The following EYS variants were observed in gnomAD, a reference collection of about 807,000 sequenced individuals.
EYS encodes the protein EGF-like photoreceptor maintenance factor, also known as protein eyes shut homolog.
A neutral mutation model predicts 282.1 loss-of-function variants in EYS; 250 were observed. The ratio of observed to expected loss-of-function variants is 0.89; its 90% CI spans 0.80 to 0.98. The LOEUF (loss-of-function observed/expected upper bound fraction) is 0.98. Among genes scored for constraint, EYS ranks in the 50% least tolerant of loss-of-function variants. The probability of loss-of-function intolerance (pLI) is 0.00; values close to 1 mark genes in which losing one functional copy is unlikely to be tolerated. For synonymous variants in EYS, 1,355 were observed against 1,282.9 expected, an observed-to-expected ratio of 1.06 and a Z score of -1.20; for missense variants, 4,016 against 3,709.0, an observed-to-expected ratio of 1.08 and a Z score of -2.15.
At chr6:65,316,097 T>C (rs556366601) in intron 11 of EYS, among the ~76,000 whole-genome samples, 1 of 152,350 alleles carries the variant, frequency 6.6e-6, no homozygotes, top group Non-Finnish European at 1.5e-5. Context: ...TTTATCTAGT[T>C]ATAGTTAATT....
intron 15 of EYS, among the ~76,000 whole-genome samples, chr6:64,927,159 A>G (rs1443396378): frequency 6.6e-6 from 1 of 152,204 alleles, no homozygotes; most frequent in Non-Finnish European, 1.5e-5. Flanking sequence ...TGTGGAAAAA[A>G]AAGGATTATT....
At chr6:65,228,561 A>T (rs561260537) in intron 12 of EYS, among the ~76,000 whole-genome samples, 1 of 152,040 alleles carries the variant, frequency 6.6e-6, no homozygotes, top group East Asian at 1.9e-4. Flanking sequence ...GCTTTTAATC[A>T]TGGTGAAAAC....
At chr6:64,684,691 A>G (rs1250454560) in intron 22 of EYS, among the ~76,000 whole-genome samples, 1 of 152,040 alleles carries the variant, frequency 6.6e-6, no homozygotes, top group African/African-American at 2.4e-5. Context: ...TAGTATGACA[A>G]GTTTTTGACA....
At chr6:64,170,443 G>A (rs1764445217) in intron 31 of EYS, among the ~76,000 whole-genome samples, 1 of 151,904 alleles carries the variant, frequency 6.6e-6, no homozygotes, top group African/African-American at 2.4e-5. Flanking sequence ...GCATCAGCAA[G>A]GCCATACCCC....
intron 5 of EYS, among the ~76,000 whole-genome samples, chr6:65,412,130 C>T (rs573296397): frequency 6.6e-6 from 1 of 152,172 alleles, no homozygotes; most frequent in Non-Finnish European, 1.5e-5. Context: ...GAGGATACAA[C>T]AAAAAGACAG....
chr6:63,805,104 A>C (rs1770871235), intron 37 of EYS, among the ~76,000 whole-genome samples: 1 of 152,160 alleles, frequency 6.6e-6, no homozygotes, highest in African/African-American at 2.4e-5. Flanking sequence ...TATGTTATTT[A>C]CCCTAGCACC....
At chr6:63,764,589 A>G (rs927846896) in intron 40 of EYS, among the ~76,000 whole-genome samples, 4 of 152,032 alleles carry the variant, frequency 2.6e-5, no homozygotes, top group Non-Finnish European at 5.9e-5. Flanking sequence ...ACTGCCTTAT[A>G]GACAGAGCTC....
At chr6:64,450,184 A>C (rs1746510815) in intron 26 of EYS, among the ~76,000 whole-genome samples, 1 of 151,800 alleles carries the variant, frequency 6.6e-6, no homozygotes. Flanking sequence ...AACAGAAGAC[A>C]AAAAAAAGGC....
chr6:63,997,192 C>T (rs1767874237), intron 34 of EYS, among the ~76,000 whole-genome samples: 2 of 152,164 alleles, frequency 1.3e-5, no homozygotes, highest in African/African-American at 2.4e-5. Flanking sequence ...CATCCTCCTA[C>T]TGTAATAATA....
chr6:64,785,932 C>T (rs1183381540), intron 22 of EYS, among the ~76,000 whole-genome samples: 3 of 152,158 alleles, frequency 2.0e-5, no homozygotes, highest in Non-Finnish European at 4.4e-5. Flanking sequence ...TAAATGTCCT[C>T]CTATGTGCCA....
intron 2 of EYS, among the ~76,000 whole-genome samples, chr6:65,555,631 G>A (rs1038765691): frequency 2.0e-5 from 3 of 151,974 alleles, no homozygotes; most frequent in South Asian, 2.1e-4. Flanking sequence ...ATATTTTTTA[G>A]TCTTAAAACA....
In EYS at chr6:65,442,910, G is replaced by C. The variant is rs72874709; in HGVS notation, c.863-37543C>G. On this transcript the variant is annotated intron_variant, in intron 5 of 42. Transcript: ENST00000503581. Reference sequence around the variant, plus strand: ...TATGTACATATATGTATATATACATGCACATACATATGTACATATATGTAT... The same window carrying C: ...TATGTACATATATGTATATATACATCCACATACATATGTACATATATGTAT... Among the ~76,000 whole-genome samples, 4 of 86,690 alleles carry C rather than the reference G, an allele frequency of 4.6e-5. 1 individual carries two copies. Among genetic ancestry groups the C allele is most frequent in the Non-Finnish European group, 1.3e-4 (4 of 31,444 alleles). The allele number at this position is 86,690 out of a possible 152,430, so 56.9% of individuals were successfully genotyped here.
chr6:63,768,440 G>A (rs1374932335), intron 40 of EYS, among the ~76,000 whole-genome samples: 1 of 151,932 alleles, frequency 6.6e-6, no homozygotes, highest in Non-Finnish European at 1.5e-5. Context: ...CTTCTCAAAA[G>A]AAGACATACA....
intron 30 of EYS, among the ~76,000 whole-genome samples, chr6:64,292,361 T>C (rs1417386068): frequency 6.6e-6 from 1 of 152,148 alleles, no homozygotes; most frequent in Non-Finnish European, 1.5e-5. Context: ...ATATTAGTCC[T>C]GGGGCATGGT....
chr6:65,141,905 G>A (rs1764355154), intron 12 of EYS, among the ~76,000 whole-genome samples: 2 of 151,996 alleles, frequency 1.3e-5, no homozygotes, highest in South Asian at 4.1e-4. Flanking sequence ...GTTATAAGCA[G>A]ATCTACTCTA....
intron 36 of EYS, among the ~76,000 whole-genome samples, chr6:63,844,963 G>A (rs984952705): frequency 6.6e-6 from 1 of 152,096 alleles, no homozygotes; most frequent in East Asian, 1.9e-4. Context: ...GTATTGCCTA[G>A]ATTTTCTTCT....
At chr6:65,396,232 A>G (rs1356318497) in intron 7 of EYS, among the ~76,000 whole-genome samples, 1 of 152,108 alleles carries the variant, frequency 6.6e-6, no homozygotes, top group Admixed American at 6.6e-5. Context: ...TAACTCTACA[A>G]TCTACTCCTA....
At chr6:64,723,999 C>T (rs1771672489) in intron 22 of EYS, among the ~76,000 whole-genome samples, 1 of 152,170 alleles carries the variant, frequency 6.6e-6, no homozygotes, top group Non-Finnish European at 1.5e-5. Context: ...CAGCCTCCAT[C>T]TGCTAACACA....
intron 5 of EYS, among the ~76,000 whole-genome samples, chr6:65,442,990 G>C (rs184090811): frequency 9.8e-6 from 1 of 101,538 alleles, no homozygotes; most frequent in African/African-American, 2.7e-5. Flanking sequence ...ACATATGTGC[G>C]TATATGTATA....
Sources: allele counts gnomAD v4.1 joint callset (sites outside exome capture counted in the v4.1 genomes callset), GRCh38; gene constraint gnomAD v4.1.1; transcripts MANE v1.5; gene names NCBI Gene and HGNC (gene_info 2026-07-23, HGNC 2026-07-21).